Variants in PXK observed in about 807,000 individuals in gnomAD.
PXK encodes PX domain containing serine/threonine kinase like, also known as PX domain-containing protein kinase-like protein.
PXK carries 35 observed loss-of-function variants against 84.7 expected under a neutral mutation model. The ratio of observed to expected loss-of-function variants is 0.41; its 90% CI spans 0.32 to 0.55. PXK has a LOEUF of 0.55. PXK is among the 20% of genes least tolerant of loss of function. The probability of loss-of-function intolerance (pLI) is 0.21; values close to 1 mark genes in which losing one functional copy is unlikely to be tolerated. For synonymous variants in PXK, 253 were observed against 260.8 expected (o/e 0.97, Z 0.29); for missense variants, 634 against 699.7 (o/e 0.91, Z 1.06).
intron 3 of PXK, among the ~76,000 whole-genome samples, chr3:58,381,126 G>A (rs2098496940): frequency 6.6e-6 from 1 of 151,844 alleles, no homozygotes; most frequent in African/African-American, 2.4e-5. Flanking sequence ...GCTGGCGCCT[G>A]TAGTCCCAGC....
chr3:58,334,953 G>GTCTC (rs34846127), intron 1 of PXK, among the ~76,000 whole-genome samples: 3 of 134,200 alleles, frequency 2.2e-5, no homozygotes, highest in African/African-American at 8.1e-5. Context: ...GTGTGTGTGT[G>GTCTC]TGTGTCTGTG....
intron 3 of PXK, among the ~76,000 whole-genome samples, chr3:58,378,344 C>T (rs2098461164): frequency 6.6e-6 from 1 of 152,000 alleles, no homozygotes; most frequent in Non-Finnish European, 1.5e-5. Context: ...GTAGATAAAT[C>T]CCAGGGCACT....
intron 7 of PXK, among the ~76,000 whole-genome samples, chr3:58,394,655 A>G (rs1025223477): frequency 6.6e-6 from 1 of 152,176 alleles, no homozygotes; most frequent in Admixed American, 6.5e-5. Flanking sequence ...TAACACTATT[A>G]TCCTCAAAAC....
rs761717377 is a variant in PXK, at chr3:58,399,313, T to G, written c.1117T>G (p.Ser373Ala). 4 of 1,614,078 alleles carry G rather than the reference T, an allele frequency of 2.5e-6. No homozygotes were observed. Among genetic ancestry groups the G allele is most frequent in the Non-Finnish European group, 3.4e-6 (4 of 1,179,972 alleles). ...TTCATTTCAAGTGGCCGTGTTGGAG[T>G]CTACGCTGTCTTGTGAAGCCTGTAA... ...PSMAVVAVLE[S>A]TLSCEACKNG... The change falls in exon 12 of 18, where the codon TCT (serine) becomes GCT (alanine). Residue 373 changes from serine (S) to alanine (A), a missense_variant. Physicochemically the swap from Ser to Ala is moderately conservative, Grantham distance 99. This residue lies in a region of PXK where 273 missense variants were observed against 283.6 expected (regional missense o/e 0.96). Coordinates refer to ENST00000356151, the MANE Select transcript of PXK (RefSeq NM_017771.5). This position sits in a 1 kb window ranked among gnomAD's most constrained non-coding sequence, Gnocchi z 4.3.
At chr3:58,375,542 GT>G (rs2098434770) in intron 3 of PXK, among the ~76,000 whole-genome samples, 1 of 152,124 alleles carries the variant, frequency 6.6e-6, no homozygotes, top group African/African-American at 2.4e-5. Context: ...ACATTGTTTG[GT>G]TGTAATGTTG....
At chr3:58,393,781 C>A (rs2098654762) in intron 7 of PXK, among the ~76,000 whole-genome samples, 1 of 152,020 alleles carries the variant, frequency 6.6e-6, no homozygotes, top group Non-Finnish European at 1.5e-5. Flanking sequence ...TTTATGAAGC[C>A]CACTAGCATT....
At chr3:58,423,048 TGGGCAGAGCTCACTCCTTC>T (rs1390315894) in intron 17 of PXK, 2 of 985,220 alleles carry the variant, frequency 2.0e-6, no homozygotes, top group East Asian at 2.3e-4. Flanking sequence ...TACCCCCAAG[TGGGCAGAGCTCACTCCTTC>T]GGGCCCACTT....
intron 16 of PXK, 119 bp downstream of exon 16, chr3:58,410,278 C>G: frequency 1.5e-6 from 1 of 676,896 alleles, no homozygotes; most frequent in East Asian, 2.5e-5. Context: ...GTAATGACTA[C>G]AGAGAACAAA....
intron 17 of PXK, chr3:58,422,240 CCA>C: frequency 1.0e-6 from 1 of 985,418 alleles, no homozygotes; most frequent in Non-Finnish European, 1.2e-6. Context: ...CCTGCCTCCT[CCA>C]GTTTCCACCT....
chr3:58,372,889 T>C (rs939534337), intron 3 of PXK, among the ~76,000 whole-genome samples: 2 of 151,980 alleles, frequency 1.3e-5, no homozygotes, highest in Non-Finnish European at 2.9e-5. Flanking sequence ...TGAAGAAAAA[T>C]CACCATCTTA....
rs2060154804 is a variant in PXK, at chr3:58,411,224, G to T, written c.1465+1065G>T. Among the ~76,000 whole-genome samples, 1 of 152,208 alleles carries T rather than the reference G, an allele frequency of 6.6e-6. No homozygotes were observed. The highest frequency in any genetic ancestry group is 6.5e-5 in the Admixed American group (1 of 15,276). On this transcript the variant is annotated intron_variant, in intron 16 of 17. Transcript: ENST00000356151. This position sits in a 1 kb window ranked among gnomAD's most constrained non-coding sequence, Gnocchi z 4.2. The stretch of plus-strand genomic sequence containing the variant: ...AGATGATTAGGCTGCAGCCCAGAGG[G>T]CTGCATGAGCCACAGCTGGAGAATG...
intron 1 of PXK, among the ~76,000 whole-genome samples, chr3:58,363,511 G>A (rs548728167): frequency 9.2e-5 from 14 of 152,124 alleles, no homozygotes; most frequent in African/African-American, 2.7e-4. Context: ...TTGTAGAGAC[G>A]AGGTCTTGCT....
At chr3:58,366,007 T>A (rs769478969) in intron 2 of PXK, 83 bp downstream of exon 2, 8 of 1,174,592 alleles carry the variant, frequency 6.8e-6, no homozygotes, top group African/African-American at 1.6e-5. Flanking sequence ...CCTCTGAAAG[T>A]CTGGAAAAAT....
chr3:58,343,450 G>A (rs1298134739), intron 1 of PXK, among the ~76,000 whole-genome samples: 3 of 152,216 alleles, frequency 2.0e-5, no homozygotes, highest in Non-Finnish European at 4.4e-5. Flanking sequence ...CCTGGCACTG[G>A]TTTATTCCAC....
At chr3:58,342,647 A>AAAAAAAAAAAAG (rs1553743386) in intron 1 of PXK, among the ~76,000 whole-genome samples, 4 of 138,796 alleles carry the variant, frequency 2.9e-5, no homozygotes, top group African/African-American at 1.1e-4. Context: ...AAAAAAAAAA[A>AAAAAAAAAAAAG]AAAAGAAAAG....
In PXK at chr3:58,412,344, G is replaced by A. The variant is rs960175192; in HGVS notation, c.1466-557G>A. Among the ~76,000 whole-genome samples, 1 of 152,046 alleles carries A rather than the reference G, an allele frequency of 6.6e-6. No individual in the cohort carries two copies. Among genetic ancestry groups the A allele is most frequent in the Non-Finnish European group, 1.5e-5 (1 of 68,020 alleles). On this transcript the variant is annotated intron_variant, in intron 16 of 17. Transcript: ENST00000356151. This position sits in a 1 kb window ranked among gnomAD's most constrained non-coding sequence, Gnocchi z 6.2. Reference sequence around the variant, plus strand: ...CAGGTGGGATTCACATTGTTTTAATGTGAATAAGGACATTTACTTATTCTA... The same window carrying A: ...CAGGTGGGATTCACATTGTTTTAATATGAATAAGGACATTTACTTATTCTA...
chr3:58,369,442 A>G lies in PXK; in HGVS notation c.165A>G (p.Arg55=). Residue 55 remains arginine, a synonymous_variant, in exon 3 of 18, where the codon AGA becomes AGG. Coordinates refer to ENST00000356151, the MANE Select transcript of PXK (RefSeq NM_017771.5). ...SVENSWQIVR[R]YSDFDLLNNS... is the part of the protein sequence containing the mutation. ...CTTGTCTCTTACAGATTGTTAGAAGATACAGTGACTTTGATTTGCTTAACA... is the reference window on the plus strand; with the variant it reads ...CTTGTCTCTTACAGATTGTTAGAAGGTACAGTGACTTTGATTTGCTTAACA... 6.2e-7 allele frequency: 1 copy of G among 1,610,050 alleles called. No homozygotes were observed. Among genetic ancestry groups the G allele is most frequent in the Non-Finnish European group, 8.5e-7 (1 of 1,176,384 alleles).
At chr3:58,396,013 C>G (rs2107107365) in intron 9 of PXK, among the ~76,000 whole-genome samples, 1 of 152,206 alleles carries the variant, frequency 6.6e-6, no homozygotes, top group South Asian at 2.1e-4. Flanking sequence ...GTGTGGATAC[C>G]AACTTTTATA....
In PXK at chr3:58,382,509, T is replaced by A. The variant is rs1560003477; in HGVS notation, c.202-5T>A. On this transcript the variant is annotated splice_polypyrimidine_tract_variant and splice_region_variant and intron_variant, in intron 3 of 17. Transcript: ENST00000356151. ...GAGTGTAACTTTTTTTTTTTTTTTT[T>A]AAAGATTGCAGGCCTAAGTCTACCT... 15 of 1,512,676 alleles carry A rather than the reference T, an allele frequency of 9.9e-6. No homozygotes were observed. Among genetic ancestry groups the A allele is most frequent in the South Asian group, 2.6e-5 (2 of 76,102 alleles). The allele number at this position is 1,512,676 out of a possible 1,614,324, so 93.7% of individuals were successfully genotyped here.
Sources: gnomAD v4.1 joint callset for allele counts (sites outside exome capture counted in the v4.1 genomes callset) on GRCh38, gnomAD v4.1.1 for gene constraint, gnomAD v4.1.1 regional missense constraint, Gnocchi (gnomAD v3.1) non-coding constraint, MANE v1.5 for transcripts, NCBI Gene and HGNC (gene_info 2026-07-23, HGNC 2026-07-21) for gene names.